The following DACH2 variants were observed in gnomAD, a reference collection of about 807,000 sequenced individuals.
DACH2 encodes dachshund homolog 2.
A neutral mutation model predicts 35.8 loss-of-function variants in DACH2; 17 were observed. The ratio of observed to expected loss-of-function variants is 0.48; its 90% CI spans 0.33 to 0.71. DACH2 has a LOEUF of 0.71. Among genes scored for constraint, DACH2 ranks in the 30% least tolerant of loss-of-function variants. DACH2 has a pLI of 0.02. For missense variants in DACH2, 469 were observed against 472.7 expected (o/e 0.99, Z 0.07); for synonymous variants, 195 against 177.3 (o/e 1.10, Z -0.79).
At chrX:86,693,886 T>A (rs1449621602) in intron 4 of DACH2, among the ~76,000 whole-genome samples, 1 of 111,968 alleles carries the variant, frequency 8.9e-6, no homozygotes, top group African/African-American at 3.2e-5. Context: ...CTGCTTATAA[T>A]GTAAAAATGG....
chrX:86,446,927 C>T (rs1240978785), intron 2 of DACH2, among the ~76,000 whole-genome samples: 2 of 90,656 alleles, frequency 2.2e-5, no homozygotes, highest in Non-Finnish European at 4.4e-5. Flanking sequence ...TAAAAGTGTT[C>T]CTATTTCTCC....
At chrX:86,327,455 C>T (rs1171044383) in intron 1 of DACH2, among the ~76,000 whole-genome samples, 1 of 111,500 alleles carries the variant, frequency 9.0e-6, no homozygotes, top group East Asian at 2.8e-4. Flanking sequence ...TTATTTTTCA[C>T]TGATTGGCAA....
chrX:86,752,420 G>T (rs760604739), intron 7 of DACH2, among the ~76,000 whole-genome samples: 2 of 110,891 alleles, frequency 1.8e-5, no homozygotes, highest in South Asian at 3.8e-4. Context: ...TAAATAAATA[G>T]ATATATATAT....
At chrX:86,539,353 TC>T (rs1020261306) in intron 3 of DACH2, among the ~76,000 whole-genome samples, 2 of 111,597 alleles carry the variant, frequency 1.8e-5, no homozygotes, top group African/African-American at 6.5e-5. Context: ...AAACCTCTTT[TC>T]TTTTTAAATT....
intron 3 of DACH2, among the ~76,000 whole-genome samples, chrX:86,527,993 T>C (rs1375676826): frequency 8.9e-6 from 1 of 111,999 alleles, no homozygotes; most frequent in Non-Finnish European, 1.9e-5. Context: ...TAAATTAGTA[T>C]CTATTTCTGC....
intron 1 of DACH2, among the ~76,000 whole-genome samples, chrX:86,205,564 TTTC>T (rs2032288467): frequency 1.0e-5 from 1 of 95,348 alleles, no homozygotes; most frequent in African/African-American, 3.9e-5. Flanking sequence ...CTTTCTTTTC[TTTC>T]TTCTTCTTTT....
chrX:86,622,015 G>C (rs972003619), intron 3 of DACH2, among the ~76,000 whole-genome samples: 1 of 111,360 alleles, frequency 9.0e-6, no homozygotes, highest in African/African-American at 3.3e-5. Context: ...GGAAAATCTA[G>C]TGTGTATATC....
chrX:86,816,227 CACTTCTT>C (rs1569485409), intron 11 of DACH2, 128 bp downstream of exon 11: 2 of 366,164 alleles, frequency 5.5e-6, no homozygotes, highest in African/African-American at 5.4e-5. Context: ...TAAGTTTTGA[CACTTCTT>C]ACTTTATGAC....
intron 2 of DACH2, among the ~76,000 whole-genome samples, chrX:86,472,791 A>C (rs1272005113): frequency 8.9e-6 from 1 of 111,988 alleles, no homozygotes; most frequent in African/African-American, 3.2e-5. Context: ...GATTTGAAGA[A>C]AGGGTGGAAA....
At chrX:86,221,785 G>C (rs1394601356) in intron 1 of DACH2, among the ~76,000 whole-genome samples, 1 of 112,332 alleles carries the variant, frequency 8.9e-6, no homozygotes, top group Non-Finnish European at 1.9e-5. Flanking sequence ...CACAGACTGG[G>C]TGTCATAAAC....
intron 1 of DACH2, among the ~76,000 whole-genome samples, chrX:86,336,237 T>C (rs770191417): frequency 8.9e-6 from 1 of 112,373 alleles, no homozygotes; most frequent in Non-Finnish European, 1.9e-5. Flanking sequence ...TGCCAGGTTT[T>C]GGTATCAGGA....
chrX:86,570,407 A>G (rs1182086905), intron 3 of DACH2, among the ~76,000 whole-genome samples: 1 of 111,818 alleles, frequency 8.9e-6, no homozygotes, highest in African/African-American at 3.3e-5. Context: ...CTATGCAGCC[A>G]TAAAGGGGAA....
chrX:86,267,482 C>A (rs1169878986), intron 1 of DACH2, among the ~76,000 whole-genome samples: 1 of 111,741 alleles, frequency 8.9e-6, no homozygotes, highest in Non-Finnish European at 1.9e-5. Context: ...TTCATGTTAT[C>A]TTTAGTTTCT....
At chrX:86,654,455 G>A (rs1025545715) in intron 4 of DACH2, among the ~76,000 whole-genome samples, 3 of 93,221 alleles carry the variant, frequency 3.2e-5, no homozygotes, top group African/African-American at 1.2e-4. Context: ...ATCACCTCAT[G>A]TAAAATTACA....
At chrX:86,151,124 A>G (rs2030348720) in intron 1 of DACH2, among the ~76,000 whole-genome samples, 1 of 111,189 alleles carries the variant, frequency 9.0e-6, no homozygotes, top group Admixed American at 9.6e-5. Context: ...CCTAATTTTT[A>G]TTAGAGCTAC....
At chrX:86,289,831 T>C (rs1467704085) in intron 1 of DACH2, among the ~76,000 whole-genome samples, 1 of 109,296 alleles carries the variant, frequency 9.1e-6, no homozygotes, top group African/African-American at 3.3e-5. Context: ...TTGTTGGACA[T>C]TTGGGTTGGT....
At chrX:86,376,708 A>G (rs1490849730) in intron 1 of DACH2, 116 bp from the exon 2 acceptor site, 1 of 995,379 alleles carries the variant, frequency 1.0e-6, no homozygotes, top group Non-Finnish European at 1.3e-6. Flanking sequence ...TTTCTGCAGA[A>G]TTTAGGAAGA....
At chrX:86,228,149 A>G (rs966004939) in intron 1 of DACH2, among the ~76,000 whole-genome samples, 1 of 108,857 alleles carries the variant, frequency 9.2e-6, no homozygotes, top group Non-Finnish European at 1.9e-5. Flanking sequence ...TCCAAAGTCC[A>G]TTGTATCATT....
intron 2 of DACH2, among the ~76,000 whole-genome samples, chrX:86,483,447 T>C (rs1171838999): frequency 9.0e-6 from 1 of 111,533 alleles, no homozygotes; most frequent in Non-Finnish European, 1.9e-5. Flanking sequence ...GTTCTCAGTA[T>C]GTATAATGGA....
Sources: allele counts gnomAD v4.1 joint callset (sites outside exome capture counted in the v4.1 genomes callset), GRCh38; gene constraint gnomAD v4.1.1; transcripts MANE v1.5; gene names NCBI Gene and HGNC (gene_info 2026-07-23, HGNC 2026-07-21).